CRIM1: variants seen among roughly 807,000 people sequenced by gnomAD.
CRIM1 encodes cysteine-rich motor neuron 1 protein.
Under a neutral mutation model 116.4 loss-of-function variants are expected in CRIM1, and 32 were observed. That is an observed-to-expected ratio of 0.27 (90% confidence interval 0.21 to 0.37). The LOEUF (loss-of-function observed/expected upper bound fraction) is 0.37. CRIM1 is among the 10% of genes least tolerant of loss of function. The pLI is 1.00. For synonymous variants in CRIM1, 590 were observed against 509.2 expected (o/e 1.16, Z -2.13); for missense variants, 1,331 against 1,354.8 (o/e 0.98, Z 0.28).
At chr2:36,501,736 C>T (rs756116317) in intron 8 of CRIM1, among the ~76,000 whole-genome samples, 24 of 147,976 alleles carry the variant, frequency 1.6e-4, no homozygotes, top group Non-Finnish European at 3.2e-4. Flanking sequence ...AACTAACAAA[C>T]AAAAAAAAAA....
intron 13 of CRIM1, among the ~76,000 whole-genome samples, chr2:36,524,591 T>G (rs1337562536): frequency 6.6e-6 from 1 of 151,912 alleles, no homozygotes; most frequent in Non-Finnish European, 1.5e-5. Context: ...AGAGGAAAAA[T>G]CTAACAGCAG....
At position 36,419,393 on chromosome 2, in the gene CRIM1, T is replaced by C. The variant is rs191517386; in HGVS notation, c.506-21865T>C. Among the ~76,000 whole-genome samples the C allele has an allele frequency of 3.1e-3, 471 of 152,354 alleles. 3 individuals carry two copies. Among genetic ancestry groups the C allele is most frequent in the Non-Finnish European group, 2.5e-3 (169 of 68,034 alleles). On this transcript the variant is annotated intron_variant, in intron 2 of 16. Coordinates refer to ENST00000280527, the MANE Select transcript of CRIM1 (RefSeq NM_016441.3). ...AAACTACAGCTCCTTGAAGTACTTT[T>C]GTTAATATTCTAATCTCCTATTTGC... is the stretch of plus-strand genomic sequence containing the variant.
intron 5 of CRIM1, among the ~76,000 whole-genome samples, chr2:36,472,306 C>CT (rs1437819932): frequency 6.6e-6 from 1 of 152,152 alleles, no homozygotes; most frequent in Non-Finnish European, 1.5e-5. Context: ...GTCATTGCTC[C>CT]TCAAAAACCA....
chr2:36,484,353 G>A (rs1477826858), intron 7 of CRIM1, among the ~76,000 whole-genome samples: 2 of 151,886 alleles, frequency 1.3e-5, no homozygotes, highest in African/African-American at 2.4e-5. Context: ...TTCAATAATA[G>A]CAAGTATAAA....
At chr2:36,493,574 A>T (rs1680381556) in intron 7 of CRIM1, among the ~76,000 whole-genome samples, 1 of 152,182 alleles carries the variant, frequency 6.6e-6, no homozygotes, top group Non-Finnish European at 1.5e-5. Context: ...AGAGTCACCC[A>T]CCCATACTCA....
At chr2:36,524,538 G>C (rs1403922584) in intron 13 of CRIM1, among the ~76,000 whole-genome samples, 1 of 152,068 alleles carries the variant, frequency 6.6e-6, no homozygotes, top group African/African-American at 2.4e-5. Flanking sequence ...GTCATACTTG[G>C]GAAACCAGGG....
intron 2 of CRIM1, among the ~76,000 whole-genome samples, chr2:36,412,220 C>G (rs529439599): frequency 2.0e-4 from 31 of 151,546 alleles, no homozygotes; most frequent in Non-Finnish European, 2.5e-4. Flanking sequence ...TAACCAAGAA[C>G]TCCAGTAAGC....
chr2:36,480,251 G>A (rs1679304343), intron 7 of CRIM1, among the ~76,000 whole-genome samples: 1 of 152,194 alleles, frequency 6.6e-6, no homozygotes, highest in African/African-American at 2.4e-5. Flanking sequence ...TTCTTGTTCA[G>A]TGGAGGGAAG....
intron 2 of CRIM1, among the ~76,000 whole-genome samples, chr2:36,417,654 A>C (rs1673722652): frequency 6.6e-6 from 1 of 152,202 alleles, no homozygotes; most frequent in South Asian, 2.1e-4. Context: ...ATCCAGAATA[A>C]ATTGGTGTCA....
chr2:36,517,548 C>T lies in CRIM1; in HGVS notation c.2206+6C>T, dbSNP rs1268235990. The T allele has an allele frequency of 6.9e-6, 11 of 1,604,778 alleles. No individual in the cohort carries two copies. Among genetic ancestry groups the T allele is most frequent in the South Asian group, 2.2e-5 (2 of 90,906 alleles). On this transcript the variant is annotated splice_donor_region_variant and intron_variant, in intron 12 of 16. Coordinates refer to ENST00000280527, the MANE Select transcript of CRIM1 (RefSeq NM_016441.3). ...CTGCTGCCCACAGTGTACAGGTAAG[C>T]GACACCATGCCTTGTGGGTGCTTGG...
intron 13 of CRIM1, among the ~76,000 whole-genome samples, 180 bp downstream of exon 13, chr2:36,522,493 G>C (rs895386852): frequency 6.6e-6 from 1 of 152,144 alleles, no homozygotes; most frequent in Non-Finnish European, 1.5e-5. Flanking sequence ...ACTCCCAAGA[G>C]GAGGTGCTGT....
At chr2:36,404,460 C>A (rs1401321254) in intron 2 of CRIM1, among the ~76,000 whole-genome samples, 1 of 152,196 alleles carries the variant, frequency 6.6e-6, no homozygotes, top group Admixed American at 6.5e-5. Flanking sequence ...AGGTACTCAG[C>A]ATTCTCTACA....
chr2:36,469,704 G>T (rs1030810745), intron 5 of CRIM1, among the ~76,000 whole-genome samples: 1 of 152,084 alleles, frequency 6.6e-6, no homozygotes, highest in Non-Finnish European at 1.5e-5. Context: ...TAGCAATTAT[G>T]CTCATAATGT....
Position 36,427,378 on chromosome 2 carries a change from T to C in CRIM1, c.506-13880T>C, listed in dbSNP as rs572670151. Among the ~76,000 whole-genome samples the C allele has an allele frequency of 4.6e-5, 7 of 152,058 alleles. No individual in the cohort carries two copies. In the South Asian group the frequency reaches 8.3e-4, roughly 18 times the overall value. ...GTCTTTCAGCCATCAGCAGGAGATG[T>C]TCAGGTAATTAACTTCCCCTCATAA... is the stretch of plus-strand genomic sequence containing the variant. On this transcript the variant is annotated intron_variant, in intron 2 of 16. Transcript: ENST00000280527.
At chr2:36,397,846 G>C (rs982272232) in intron 2 of CRIM1, among the ~76,000 whole-genome samples, 1 of 152,170 alleles carries the variant, frequency 6.6e-6, no homozygotes, top group Non-Finnish European at 1.5e-5. Context: ...TAACATTTGC[G>C]AATTGCAGAG....
intron 1 of CRIM1, among the ~76,000 whole-genome samples, chr2:36,370,130 G>C (rs528177488): frequency 1.7e-4 from 26 of 151,654 alleles, no homozygotes; most frequent in African/African-American, 6.0e-4. Context: ...TGTTAATTGG[G>C]ATATCTATAA....
At chr2:36,456,600 C>A (rs1419378087) in intron 4 of CRIM1, among the ~76,000 whole-genome samples, 1 of 152,188 alleles carries the variant, frequency 6.6e-6, no homozygotes, top group Non-Finnish European at 1.5e-5. Context: ...CCTAGACCTA[C>A]GGAAGTGAAG....
chr2:36,460,974 C>G (rs941669546), intron 4 of CRIM1, among the ~76,000 whole-genome samples: 4 of 151,940 alleles, frequency 2.6e-5, no homozygotes, highest in African/African-American at 9.7e-5. Context: ...AAAGTGCGGA[C>G]TTATTTGGAG....
At chr2:36,379,903 TAAAA>T (rs34543532) in intron 1 of CRIM1, among the ~76,000 whole-genome samples, 6 of 139,734 alleles carry the variant, frequency 4.3e-5, no homozygotes, top group Non-Finnish European at 4.7e-5. Flanking sequence ...ATGGTTTGGT[TAAAA>T]AAAAAAAAAA....
Sources: gnomAD v4.1 joint callset for allele counts (sites outside exome capture counted in the v4.1 genomes callset) on GRCh38, gnomAD v4.1.1 for gene constraint, MANE v1.5 for transcripts, NCBI Gene and HGNC (gene_info 2026-07-23, HGNC 2026-07-21) for gene names.